Variants in MAP3K20 observed in about 807,000 individuals in gnomAD.
The protein encoded by MAP3K20 is mitogen-activated protein kinase kinase kinase 20.
In MAP3K20, 40 loss-of-function variants were observed where a neutral mutation model predicts 85.7. That is an observed-to-expected ratio of 0.47 (90% CI 0.36 to 0.61). The LOEUF (loss-of-function observed/expected upper bound fraction) is 0.61, where lower values mean the gene tolerates loss of function less well. Among genes scored for constraint, MAP3K20 ranks in the 20% least tolerant of loss-of-function variants. The pLI is 0.00. For missense variants in MAP3K20, 817 were observed against 961.7 expected (o/e 0.85, Z 1.99); for synonymous variants, 325 against 327.7 (o/e 0.99, Z 0.09).
intron 1 of MAP3K20, among the ~76,000 whole-genome samples, chr2:173,090,095 CTT>C (rs1687250111): frequency 6.6e-6 from 1 of 152,130 alleles, no homozygotes; most frequent in Non-Finnish European, 1.5e-5. Context: ...AGTACACAAA[CTT>C]TTTTATCCAC....
intron 3 of MAP3K20, among the ~76,000 whole-genome samples, chr2:173,173,624 G>T (rs1018267203): frequency 6.6e-6 from 1 of 152,086 alleles, no homozygotes; most frequent in African/African-American, 2.4e-5. Context: ...CATCTAATTT[G>T]CATGTTTTGA....
At chr2:173,132,845 A>C (rs1281281866) in intron 2 of MAP3K20, among the ~76,000 whole-genome samples, 1 of 152,256 alleles carries the variant, frequency 6.6e-6, no homozygotes, top group Non-Finnish European at 1.5e-5. Flanking sequence ...TAAGGGAATT[A>C]AAAGAGAACA....
intron 11 of MAP3K20, chr2:173,223,007 A>G: frequency 1.0e-6 from 1 of 985,464 alleles, no homozygotes; most frequent in Non-Finnish European, 1.2e-6. Flanking sequence ...GGAAGTTTAA[A>G]GAAAGGACAT....
At chr2:173,230,857 G>A (rs1684507203) in intron 12 of MAP3K20, among the ~76,000 whole-genome samples, 1 of 152,112 alleles carries the variant, frequency 6.6e-6, no homozygotes, top group Non-Finnish European at 1.5e-5. Context: ...TCAGCCAGGT[G>A]TGGTGGCACA....
intron 11 of MAP3K20, chr2:173,226,788 T>C: frequency 4.1e-6 from 4 of 984,334 alleles, no homozygotes; most frequent in South Asian, 4.7e-5. Context: ...CTTAAAATTT[T>C]TGTACTAAAT....
chr2:173,254,397 G>A (rs898458223), intron 16 of MAP3K20, among the ~76,000 whole-genome samples: 4 of 141,878 alleles, frequency 2.8e-5, no homozygotes, highest in African/African-American at 1.1e-4. Flanking sequence ...TTGTGCCACT[G>A]CACTCCAGCC....
rs767333028 is a variant in MAP3K20 at position 173,217,234 on chromosome 2, A to C, written c.971A>C (p.Glu324Ala). 9 of 1,594,500 alleles carry C rather than the reference A, an allele frequency of 5.6e-6. No homozygotes were observed. Among genetic ancestry groups the C allele is most frequent in the Middle Eastern group, 1.7e-4 (1 of 6,014 alleles). ...RLKMWEQKLTEQSNTPLLPSF... is the reference protein window; with the variant it reads ...RLKMWEQKLTAQSNTPLLPSF... Reference sequence around the variant, plus strand: ...AAGATGTGGGAGCAAAAGCTGACAGAGCAGTCCAACACCCCGGTGAGTACC... The same window carrying C: ...AAGATGTGGGAGCAAAAGCTGACAGCGCAGTCCAACACCCCGGTGAGTACC... The change falls in exon 11 of 20, where the codon GAG (glutamate) becomes GCG (alanine). Residue 324 changes from glutamate (E) to alanine (A), a missense_variant. Physicochemically the swap from Glu to Ala is moderately radical, Grantham distance 107 (BLOSUM62 -1). This residue lies in a region of MAP3K20 where 158 missense variants were observed against 162.0 expected (regional missense o/e 0.98). Transcript: ENST00000375213.
intron 2 of MAP3K20, among the ~76,000 whole-genome samples, chr2:173,129,097 T>C (rs1055104228): frequency 1.3e-5 from 2 of 151,960 alleles, no homozygotes; most frequent in Non-Finnish European, 2.9e-5. Context: ...GCTGATTTAT[T>C]TTTTTATTTT....
intron 16 of MAP3K20, among the ~76,000 whole-genome samples, chr2:173,257,265 T>A (rs1685183432): frequency 6.6e-6 from 1 of 152,202 alleles, no homozygotes; most frequent in Admixed American, 6.5e-5. Flanking sequence ...TGCACCTATG[T>A]AACCCAAACC....
chr2:173,209,595 A>G (rs1169598905), intron 9 of MAP3K20, 134 bp from the exon 10 acceptor site: 2 of 682,826 alleles, frequency 2.9e-6, no homozygotes, highest in Non-Finnish European at 4.8e-6. Context: ...AAATAACTAC[A>G]TCAGGACATT....
At chr2:173,197,697 A>G (rs764909591) in intron 7 of MAP3K20, 1 of 155,606 alleles carries the variant, frequency 6.4e-6, no homozygotes, top group Non-Finnish European at 1.4e-5. Context: ...TTAACTAACA[A>G]AATATACAAT....
chr2:173,219,929 G>T (rs1307728959), intron 11 of MAP3K20, among the ~76,000 whole-genome samples: 1 of 151,996 alleles, frequency 6.6e-6, no homozygotes, highest in Non-Finnish European at 1.5e-5. Context: ...TTAGCTGGGC[G>T]TGGTGGCGGG....
At chr2:173,111,222 C>T (rs111518334) in intron 2 of MAP3K20, among the ~76,000 whole-genome samples, 10,252 of 152,162 alleles carry the variant, frequency 0.067, 493 homozygotes, top group African/African-American at 0.13. Flanking sequence ...TGGCCATTTG[C>T]ATATCTTCTT....
At chr2:173,157,469 A>G (rs1366892171) in intron 2 of MAP3K20, among the ~76,000 whole-genome samples, 1 of 152,172 alleles carries the variant, frequency 6.6e-6, no homozygotes, top group East Asian at 1.9e-4. Flanking sequence ...GACACTGTCT[A>G]ATTGGAGTCT....
intron 11 of MAP3K20, chr2:173,221,788 A>G (rs1684258887): frequency 2.6e-6 from 3 of 1,144,574 alleles, no homozygotes; most frequent in African/African-American, 1.6e-5. Flanking sequence ...TTGTGATCCT[A>G]TATACAATAT....
At chr2:173,116,651 C>A (rs1322338087) in intron 2 of MAP3K20, among the ~76,000 whole-genome samples, 1 of 152,202 alleles carries the variant, frequency 6.6e-6, no homozygotes, top group Non-Finnish European at 1.5e-5. Context: ...GCCTTGGTTA[C>A]CATCTGCATC....
intron 16 of MAP3K20, among the ~76,000 whole-genome samples, chr2:173,240,345 C>T (rs879363997): frequency 1.3e-5 from 2 of 152,156 alleles, no homozygotes; most frequent in African/African-American, 2.4e-5. Context: ...GTAAGCCTAC[C>T]GATTGCTCTG....
In MAP3K20 at chr2:173,221,019, C is replaced by T. The variant is rs1371573; in HGVS notation, c.987+3769C>T. The T allele has an allele frequency of 0.14, 94,900 of 670,314 alleles. 7,491 individuals carry two copies. The highest frequency in any genetic ancestry group is 0.23 in the African/African-American group (12,249 of 54,404). 41.5% of individuals were successfully genotyped at this position (670,314 alleles called of 1,614,324 possible). On this transcript the variant is annotated intron_variant, in intron 11 of 19. Transcript: ENST00000375213. ...CCATTAAATAAATTCTCACATAATTCCCTACATTCATTTATTTCACTAATC... is the reference window on the plus strand; with the variant it reads ...CCATTAAATAAATTCTCACATAATTTCCTACATTCATTTATTTCACTAATC...
chr2:173,198,124 T>G lies in MAP3K20; in HGVS notation c.669+12T>G, dbSNP rs748054472. 18 of 1,609,504 alleles carry G rather than the reference T, an allele frequency of 1.1e-5. No homozygotes were observed. The African/African-American group carries it at 2.0e-4, about 18-fold the overall frequency. ...TGGAAAAAAACGAGGTAAGACTACG[T>G]TTCTCCATTCAGGTACATAGATCAG... is the stretch of plus-strand genomic sequence containing the variant. On this transcript the variant is annotated intron_variant, in intron 8 of 19. Coordinates refer to ENST00000375213, the MANE Select transcript of MAP3K20 (RefSeq NM_016653.3). This position sits in a 1 kb window ranked among gnomAD's most constrained non-coding sequence, Gnocchi z 5.8.
Sources: allele counts gnomAD v4.1 joint callset (sites outside exome capture counted in the v4.1 genomes callset), GRCh38; gene constraint gnomAD v4.1.1; regional missense constraint gnomAD v4.1.1; non-coding constraint Gnocchi (gnomAD v3.1); transcripts MANE v1.5; gene names NCBI Gene and HGNC (gene_info 2026-07-23, HGNC 2026-07-21).